PBX3: variants seen among roughly 807,000 people sequenced by gnomAD.
The protein encoded by PBX3 is PBX homeobox 3, also known as pre-B-cell leukemia transcription factor 3.
PBX3 carries 14 observed loss-of-function variants against 48.5 expected under a neutral mutation model. That is an observed-to-expected ratio of 0.29 (90% CI 0.19 to 0.45). PBX3 has a LOEUF of 0.45. Ranked by LOEUF, PBX3 falls within the 20% of genes least tolerant of loss-of-function variation. The probability of loss-of-function intolerance (pLI) is 1.00; values close to 1 mark genes in which losing one functional copy is unlikely to be tolerated. For synonymous variants in PBX3, 210 were observed against 200.3 expected, an observed-to-expected ratio of 1.05 and a Z score of -0.41; for missense variants, 386 against 546.7, an observed-to-expected ratio of 0.71 and a Z score of 2.93.
chr9:125,886,467 A>C (rs917794017), intron 2 of PBX3, among the ~76,000 whole-genome samples: 3 of 152,106 alleles, frequency 2.0e-5, no homozygotes, highest in Non-Finnish European at 4.4e-5. Flanking sequence ...ATTGTTCTTG[A>C]CATCCCGAAT....
intron 2 of PBX3, among the ~76,000 whole-genome samples, chr9:125,914,392 G>C (rs1841277096): frequency 6.6e-6 from 1 of 152,290 alleles, no homozygotes; most frequent in African/African-American, 2.4e-5. Context: ...TTTTGCATTT[G>C]TGTTAAGGCA....
intron 2 of PBX3, chr9:125,843,869 T>A (rs562957104): frequency 2.2e-6 from 1 of 454,836 alleles, no homozygotes; most frequent in Non-Finnish European, 4.4e-6. Flanking sequence ...CTTAATGGGG[T>A]CATTTGGAAG....
rs1197667426 is a variant in PBX3, at chr9:125,939,936, T to G, written c.843+4329T>G. ...AAAATTAAAAAAGGGCCGGGTGTGG[T>G]GGCTCACGCCTGTAATCCCAGCACT... On this transcript the variant is annotated intron_variant, in intron 5 of 8. Coordinates refer to ENST00000373489, the MANE Select transcript of PBX3 (RefSeq NM_006195.6). Among the ~76,000 whole-genome samples the G allele has an allele frequency of 3.3e-5, 5 of 152,334 alleles. No homozygotes were observed. In the South Asian group the frequency reaches 6.2e-4, roughly 19 times the overall value.
chr9:125,898,569 T>G (rs1176159080), intron 2 of PBX3, among the ~76,000 whole-genome samples: 1 of 151,718 alleles, frequency 6.6e-6, no homozygotes, highest in South Asian at 2.1e-4. Flanking sequence ...CTGAACTGGT[T>G]CAGGAACGTA....
At chr9:125,780,108 G>A (rs747596211) in intron 2 of PBX3, among the ~76,000 whole-genome samples, 5,791 of 134,358 alleles carry the variant, frequency 0.043, 177 homozygotes, top group African/African-American at 0.16. Context: ...TGGCTGGGCA[G>A]AGGGGCTCCT....
At chr9:125,764,381 G>A (rs1398873397) in intron 2 of PBX3, among the ~76,000 whole-genome samples, 2 of 152,224 alleles carry the variant, frequency 1.3e-5, no homozygotes, top group Non-Finnish European at 2.9e-5. Context: ...TCTTTTGAGT[G>A]AGAAGGCTGA....
intron 5 of PBX3, among the ~76,000 whole-genome samples, chr9:125,955,247 T>A (rs888803887): frequency 6.6e-6 from 1 of 152,002 alleles, no homozygotes; most frequent in Non-Finnish European, 1.5e-5. Flanking sequence ...CGAGCCCCCC[T>A]TCAGGCTTTC....
chr9:125,915,627 CTA>C, intron 2 of PBX3, 57 bp from the exon 3 acceptor site: 1 of 1,310,546 alleles, frequency 7.6e-7, no homozygotes, highest in South Asian at 1.4e-5. Flanking sequence ...AATACTCACA[CTA>C]TTTGTCCTCT....
At chr9:125,756,384 G>A (rs1346287343) in intron 2 of PBX3, among the ~76,000 whole-genome samples, 1 of 152,086 alleles carries the variant, frequency 6.6e-6, no homozygotes, top group Non-Finnish European at 1.5e-5. Context: ...GGATTGCTGT[G>A]GGGAAAGGGA....
chr9:125,757,359 A>C (rs1409026598), intron 2 of PBX3, among the ~76,000 whole-genome samples: 1 of 152,030 alleles, frequency 6.6e-6, no homozygotes, highest in Non-Finnish European at 1.5e-5. Flanking sequence ...TAGGAACTAG[A>C]GCAGGAAATT....
intron 2 of PBX3, among the ~76,000 whole-genome samples, chr9:125,876,848 G>C (rs1050553096): frequency 4.8e-5 from 7 of 146,220 alleles, no homozygotes; most frequent in African/African-American, 1.8e-4. Context: ...GCAGTGGAGT[G>C]ATCTCAGCTG....
intron 2 of PBX3, among the ~76,000 whole-genome samples, chr9:125,814,787 G>A (rs567767474): frequency 1.6e-4 from 25 of 152,226 alleles, no homozygotes; most frequent in African/African-American, 5.5e-4. Flanking sequence ...TATGAAGAGT[G>A]TTTTAAATTA....
chr9:125,821,505 T>G (rs1360152630), intron 2 of PBX3, among the ~76,000 whole-genome samples: 7 of 152,164 alleles, frequency 4.6e-5, no homozygotes. Context: ...ATATTAATTG[T>G]GTTATTTTTT....
intron 5 of PBX3, among the ~76,000 whole-genome samples, chr9:125,950,372 T>G (rs1169582460): frequency 6.6e-6 from 1 of 152,354 alleles, no homozygotes; most frequent in African/African-American, 2.4e-5. Context: ...CTGTTTTAAA[T>G]TATTTCAAAT....
At chr9:125,837,000 A>G (rs752083070) in intron 2 of PBX3, among the ~76,000 whole-genome samples, 89 of 152,338 alleles carry the variant, frequency 5.8e-4, no homozygotes, top group Non-Finnish European at 6.5e-4. Flanking sequence ...AAATATCACC[A>G]TGCTTTGTCC....
chr9:125,867,580 C>T (rs1392741745), intron 2 of PBX3, among the ~76,000 whole-genome samples: 1 of 142,892 alleles, frequency 7.0e-6, no homozygotes, highest in East Asian at 2.1e-4. Flanking sequence ...GTGGAGGTTG[C>T]AGTGAGCCGA....
chr9:125,944,653 G>A (rs1842028832), intron 5 of PBX3, among the ~76,000 whole-genome samples: 1 of 152,138 alleles, frequency 6.6e-6, no homozygotes, highest in African/African-American at 2.4e-5. Flanking sequence ...CCTGGAGAAG[G>A]ATGAATAAGA....
At chr9:125,808,414 C>T (rs371770741) in intron 2 of PBX3, among the ~76,000 whole-genome samples, 1 of 151,954 alleles carries the variant, frequency 6.6e-6, no homozygotes, top group East Asian at 1.9e-4. Context: ...AGTGGCCCAC[C>T]CCTGTAATCC....
intron 5 of PBX3, among the ~76,000 whole-genome samples, chr9:125,939,077 A>G (rs1841902785): frequency 6.6e-6 from 1 of 152,186 alleles, no homozygotes; most frequent in Non-Finnish European, 1.5e-5. Context: ...TAATAGGGGA[A>G]GGGCATATAC....
Sources: gnomAD v4.1 joint callset for allele counts (sites outside exome capture counted in the v4.1 genomes callset) on GRCh38, gnomAD v4.1.1 for gene constraint, MANE v1.5 for transcripts, NCBI Gene and HGNC (gene_info 2026-07-23, HGNC 2026-07-21) for gene names.